RABL6: variants seen among roughly 807,000 people sequenced by gnomAD.
RABL6 encodes the protein rab-like protein 6.
Under a neutral mutation model 72.9 loss-of-function variants are expected in RABL6, and 28 were observed. The ratio of observed to expected loss-of-function variants is 0.38; its 90% CI spans 0.28 to 0.53. RABL6 has a LOEUF of 0.53. Among genes scored for constraint, RABL6 ranks in the 20% least tolerant of loss-of-function variants. The probability of loss-of-function intolerance (pLI) is 0.80; values close to 1 mark genes in which losing one functional copy is unlikely to be tolerated. For missense variants in RABL6, 1,029 were observed against 1,008.4 expected, an observed-to-expected ratio of 1.02 and a Z score of -0.28; for synonymous variants, 477 against 421.2, an observed-to-expected ratio of 1.13 and a Z score of -1.62.
chr9:136,829,871 CAAG>C (rs889189833), intron 5 of RABL6, among the ~76,000 whole-genome samples: 1 of 152,238 alleles, frequency 6.6e-6, no homozygotes, highest in African/African-American at 2.4e-5. Flanking sequence ...TTCATTCTAG[CAAG>C]AAGATGACAG....
intron 1 of RABL6, among the ~76,000 whole-genome samples, chr9:136,811,296 G>T (rs1848006088): frequency 6.6e-6 from 1 of 152,220 alleles, no homozygotes; most frequent in South Asian, 2.1e-4. Context: ...TGAAGTGGGG[G>T]CTTCCAGGTC....
chr9:136,815,250 G>A, intron 1 of RABL6: 1 of 303,086 alleles, frequency 3.3e-6, no homozygotes, highest in Non-Finnish European at 6.6e-6. Context: ...GCCTGCTATG[G>A]CTCCCTTCTT....
At chr9:136,829,136 C>T (rs1269240456) in intron 4 of RABL6, among the ~76,000 whole-genome samples, 1 of 152,174 alleles carries the variant, frequency 6.6e-6, no homozygotes, top group African/African-American at 2.4e-5. Flanking sequence ...AGGCCTGGGG[C>T]GGACACTGCT....
intron 1 of RABL6, among the ~76,000 whole-genome samples, chr9:136,817,378 A>G (rs1308328920): frequency 6.6e-6 from 1 of 152,232 alleles, no homozygotes; most frequent in Non-Finnish European, 1.5e-5. Context: ...ACATCATTGG[A>G]AATTTTCAAA....
rs1848662653 is a variant in RABL6, at chr9:136,840,150, G to A, written c.1931-4G>A. The A allele has an allele frequency of 8.1e-6, 13 of 1,612,874 alleles. No individual in the cohort carries two copies. The highest frequency in any genetic ancestry group is 1.1e-5 in the Non-Finnish European group (13 of 1,179,848). The stretch of plus-strand genomic sequence containing the variant: ...TTGAGCCACTGTCTGTCCTGTCTGT[G>A]CAGGTAAGGAGGGCAAAACCCCCTC... On this transcript the variant is annotated splice_region_variant and splice_polypyrimidine_tract_variant and intron_variant, in intron 13 of 14. Transcript: ENST00000311502.
intron 1 of RABL6, among the ~76,000 whole-genome samples, chr9:136,810,908 C>T (rs780910229): frequency 2.0e-5 from 3 of 152,270 alleles, no homozygotes; most frequent in African/African-American, 4.8e-5. Flanking sequence ...AAGACAGAGT[C>T]GAGGGTTTTG....
chr9:136,822,537 C>G (rs77299927), intron 1 of RABL6, among the ~76,000 whole-genome samples: 10 of 152,212 alleles, frequency 6.6e-5, no homozygotes, highest in Admixed American at 5.2e-4. Context: ...CTTCCAGCAC[C>G]TCCGCAGGCT....
chr9:136,814,018 G>A (rs766034106), intron 1 of RABL6: 182 of 410,954 alleles, frequency 4.4e-4, no homozygotes, highest in Non-Finnish European at 7.2e-4. Context: ...TTTTCCTTTT[G>A]GTTTCTCTAG....
intron 1 of RABL6, chr9:136,822,034 A>G: frequency 7.8e-7 from 1 of 1,289,402 alleles, no homozygotes; most frequent in Non-Finnish European, 1.0e-6. Flanking sequence ...GCTTCAGGGG[A>G]GAAGAAATGA....
At chr9:136,808,632 G>GC (rs535121166) in intron 1 of RABL6, 210 of 168,014 alleles carry the variant, frequency 1.2e-3, no homozygotes, top group African/African-American at 4.6e-3. Flanking sequence ...CGGCTGCCCG[G>GC]CCCGGGGGTG....
chr9:136,839,447 C>G lies in RABL6; in HGVS notation c.1719C>G (p.Pro573=), dbSNP rs537630641. 4 of 1,612,360 alleles carry G rather than the reference C, an allele frequency of 2.5e-6. No homozygotes were observed. The highest frequency in any genetic ancestry group is 1.3e-5 in the African/African-American group (1 of 74,910). The change falls in exon 12 of 15, where the codon CCC becomes CCG. Residue 573 remains proline, a synonymous_variant. Coordinates refer to ENST00000311502, the MANE Select transcript of RABL6 (RefSeq NM_024718.5). ...AQMLSFVMDD[P]DFESEGSDTQ... ...TGCTGTCCTTCGTCATGGATGACCC[C>G]GACTTTGAGAGCGAGGGATCAGACA...
chr9:136,821,523 C>T (rs879489376), intron 1 of RABL6: 15 of 985,254 alleles, frequency 1.5e-5, no homozygotes, highest in South Asian at 9.4e-5. Context: ...GTGCGCGGCC[C>T]GGGCAGTCTC....
intron 5 of RABL6, among the ~76,000 whole-genome samples, 196 bp from the exon 6 acceptor site, chr9:136,831,525 G>T (rs973060084): frequency 1.1e-4 from 17 of 152,172 alleles, no homozygotes; most frequent in African/African-American, 3.6e-4. Flanking sequence ...ACGGGCGGGG[G>T]CTGCAGGCTG....
chr9:136,823,329 GTCC>G (rs1304252009), intron 1 of RABL6, among the ~76,000 whole-genome samples, 193 bp from the exon 2 acceptor site: 1 of 152,142 alleles, frequency 6.6e-6, no homozygotes, highest in Non-Finnish European at 1.5e-5. Context: ...GCTGCCAGGT[GTCC>G]TCCTGATGGG....
chr9:136,818,029 TCCAGCC>T (rs1848155156), intron 1 of RABL6, among the ~76,000 whole-genome samples: 1 of 121,384 alleles, frequency 8.2e-6, no homozygotes, highest in African/African-American at 3.3e-5. Flanking sequence ...GCCGCTGCAC[TCCAGCC>T]TGGGCAACAG....
At chr9:136,822,465 G>A (rs1269933100) in intron 1 of RABL6, among the ~76,000 whole-genome samples, 1 of 152,102 alleles carries the variant, frequency 6.6e-6, no homozygotes, top group East Asian at 1.9e-4. Flanking sequence ...CAGGTCCGAG[G>A]GCAGCTGTCT....
At chr9:136,831,999 C>T in intron 6 of RABL6, 138 bp downstream of exon 6, 1 of 1,281,666 alleles carries the variant, frequency 7.8e-7, no homozygotes, top group Non-Finnish European at 1.0e-6. Context: ...CTGAGTGGGG[C>T]TCACTGAAGC....
At chr9:136,823,476 G>A (rs767941580) in intron 1 of RABL6, 49 bp from the exon 2 acceptor site, 1 of 1,606,888 alleles carries the variant, frequency 6.2e-7, no homozygotes, top group East Asian at 2.2e-5. Context: ...GCTGCAGCTT[G>A]GGTTCGGTTC....
At chr9:136,830,811 T>A (rs1848457024) in intron 5 of RABL6, 1 of 152,464 alleles carries the variant, frequency 6.6e-6, no homozygotes, top group Admixed American at 6.5e-5. Flanking sequence ...CCGGAGACCC[T>A]GTTGGCAGCA....
Sources: gnomAD v4.1 joint callset for allele counts (sites outside exome capture counted in the v4.1 genomes callset) on GRCh38, gnomAD v4.1.1 for gene constraint, MANE v1.5 for transcripts, NCBI Gene and HGNC (gene_info 2026-07-23, HGNC 2026-07-21) for gene names.